Variants in KIF1B observed in about 807,000 individuals in gnomAD.
KIF1B encodes the protein kinesin family member 1B, also known as kinesin-like protein KIF1B.
In KIF1B, 76 loss-of-function variants were observed where a neutral mutation model predicts 241.9. That is an observed-to-expected ratio of 0.31 (90% confidence interval 0.26 to 0.38). The LOEUF is 0.38. Ranked by LOEUF, KIF1B falls within the 10% of genes least tolerant of loss-of-function variation. KIF1B has a pLI of 1.00. For synonymous variants in KIF1B, 750 were observed against 796.7 expected, an observed-to-expected ratio of 0.94 and a Z score of 0.99; for missense variants, 1,622 against 2,271.4, an observed-to-expected ratio of 0.71 and a Z score of 5.81.
chr1:10,229,867 CAAAAAAAAAAA>C (rs58923572), intron 1 of KIF1B, among the ~76,000 whole-genome samples: 24,519 of 56,138 alleles, frequency 0.44, 2,727 homozygotes, highest in Middle Eastern at 0.58. Context: ...GACTCCGTCT[CAAAAAAAAAAA>C]AAAAAAAAAA....
intron 15 of KIF1B, among the ~76,000 whole-genome samples, chr1:10,284,071 T>G (rs1052179783): frequency 1.6e-4 from 24 of 152,210 alleles, no homozygotes; most frequent in African/African-American, 5.8e-4. Context: ...GACATTTTAC[T>G]TACTTCAAAA....
intron 5 of KIF1B, among the ~76,000 whole-genome samples, chr1:10,265,197 G>T (rs887562528): frequency 9.0e-5 from 13 of 143,932 alleles, no homozygotes; most frequent in Non-Finnish European, 1.7e-4. Flanking sequence ...TTTTTAAAAT[G>T]GATTTTATTT....
chr1:10,237,063 G>C (rs1226700609), intron 2 of KIF1B, among the ~76,000 whole-genome samples: 1 of 152,346 alleles, frequency 6.6e-6, no homozygotes, highest in African/African-American at 2.4e-5. Context: ...AGAGTATGAA[G>C]AGTACTTTAG....
At chr1:10,308,007 T>C in intron 22 of KIF1B, 1 of 1,058,094 alleles carries the variant, frequency 9.5e-7, no homozygotes, top group Middle Eastern at 4.2e-4. Context: ...TTTTGTGCTT[T>C]AGGTGCAGGT....
At chr1:10,352,779 C>T (rs763480271) in intron 38 of KIF1B, 43 bp downstream of exon 38, 69 of 1,391,056 alleles carry the variant, frequency 5.0e-5, no homozygotes, top group Non-Finnish European at 5.7e-5. Flanking sequence ...CACTTGCAGG[C>T]GTTAATTGGT....
At chr1:10,278,872 T>C (rs965708127) in intron 13 of KIF1B, 7 of 473,480 alleles carry the variant, frequency 1.5e-5, no homozygotes, top group African/African-American at 3.8e-5. Context: ...GTTAAACTTA[T>C]ATTCCTTGAA....
intron 26 of KIF1B, among the ~76,000 whole-genome samples, chr1:10,325,271 CT>C (rs933966134): frequency 1.3e-5 from 2 of 152,044 alleles, no homozygotes; most frequent in East Asian, 1.9e-4. Flanking sequence ...ATTTGTTTTT[CT>C]TTTTTTTAAA....
intron 22 of KIF1B, chr1:10,308,268 G>T: frequency 9.4e-7 from 1 of 1,060,344 alleles, no homozygotes; most frequent in Non-Finnish European, 1.1e-6. Context: ...GTCCTGTACT[G>T]TTAGAGCCAA....
chr1:10,335,895 C>A (rs1652151703), intron 28 of KIF1B, among the ~76,000 whole-genome samples: 1 of 151,864 alleles, frequency 6.6e-6, no homozygotes, highest in Admixed American at 6.6e-5. Context: ...AGCCTATGTT[C>A]TGAGGAAAGA....
intron 22 of KIF1B, chr1:10,308,454 C>T (rs759860513): frequency 5.3e-5 from 55 of 1,040,500 alleles, no homozygotes; most frequent in Non-Finnish European, 6.4e-5. Flanking sequence ...CTGTGGATTT[C>T]CCCTCTCAAT....
chr1:10,289,369 A>G (rs919515787), intron 15 of KIF1B, among the ~76,000 whole-genome samples: 1 of 152,082 alleles, frequency 6.6e-6, no homozygotes, highest in African/African-American at 2.4e-5. Context: ...ATTCCTAGAA[A>G]ACTCCAGGTA....
At chr1:10,249,749 A>G (rs954394315) in intron 2 of KIF1B, among the ~76,000 whole-genome samples, 3 of 152,110 alleles carry the variant, frequency 2.0e-5, no homozygotes, top group Admixed American at 6.5e-5. Flanking sequence ...AAAAAAATAA[A>G]CAAATTAGCC....
At position 10,374,079 on chromosome 1, in the gene KIF1B, CCAGTGGCCAT is replaced by C. The variant is rs1638818695; in HGVS notation, c.4947-234_4947-225del. Among the ~76,000 whole-genome samples the C allele has an allele frequency of 6.6e-6, 1 of 152,040 alleles. No individual in the cohort carries two copies. Among genetic ancestry groups the C allele is most frequent in the Non-Finnish European group, 1.5e-5 (1 of 68,008 alleles). On this transcript the variant is annotated intron_variant, in intron 45 of 48. Transcript: ENST00000676179. The surrounding 1 kb of genome is among the most constrained non-coding windows in gnomAD (Gnocchi z 4.3). ...AATATAGGCAGAGAGATTGTGTGAC[CCAGTGGCCAT>C]CAATGATCAATTTCCTTTCATAACT... is the stretch of plus-strand genomic sequence containing the variant.
intron 2 of KIF1B, among the ~76,000 whole-genome samples, chr1:10,250,069 C>T (rs1647352747): frequency 6.6e-6 from 1 of 152,092 alleles, no homozygotes; most frequent in South Asian, 2.1e-4. Flanking sequence ...CCTTGGCCTC[C>T]TAAAGTGTTG....
At chr1:10,308,479 CA>C (rs896927488) in intron 22 of KIF1B, 12 of 1,035,410 alleles carry the variant, frequency 1.2e-5, no homozygotes, top group Admixed American at 5.6e-5. Context: ...TAAACAACAA[CA>C]AAAAAATGCT....
chr1:10,316,845 C>G (rs1651324710), intron 22 of KIF1B, among the ~76,000 whole-genome samples: 1 of 151,612 alleles, frequency 6.6e-6, no homozygotes, highest in Admixed American at 6.6e-5. Flanking sequence ...GTTATTACAT[C>G]TGGGGTTGCA....
chr1:10,299,187 T>C (rs1256310030), intron 22 of KIF1B: 2 of 149,244 alleles, frequency 1.3e-5, no homozygotes, highest in Admixed American at 6.7e-5. Context: ...TAACCAAGAG[T>C]TGGTGATCAT....
chr1:10,217,766 C>T (rs1646788080), intron 1 of KIF1B, among the ~76,000 whole-genome samples: 1 of 151,428 alleles, frequency 6.6e-6, no homozygotes, highest in African/African-American at 2.4e-5. Flanking sequence ...TCCTTCCCAC[C>T]ACCACAATCT....
chr1:10,251,543 T>C (rs1368195509), intron 2 of KIF1B, among the ~76,000 whole-genome samples: 1 of 152,016 alleles, frequency 6.6e-6, no homozygotes, highest in Non-Finnish European at 1.5e-5. Context: ...GAGAACAGCC[T>C]GACCAACATG....
Sources: gnomAD v4.1 joint callset for allele counts (sites outside exome capture counted in the v4.1 genomes callset) on GRCh38, gnomAD v4.1.1 for gene constraint, Gnocchi (gnomAD v3.1) non-coding constraint, MANE v1.5 for transcripts, NCBI Gene and HGNC (gene_info 2026-07-23, HGNC 2026-07-21) for gene names.